Variants in ADGRL3 observed in about 807,000 individuals in gnomAD.
The protein encoded by ADGRL3 is adhesion G protein-coupled receptor L3.
In ADGRL3, 62 loss-of-function variants were observed where a neutral mutation model predicts 153.5. That is an observed-to-expected ratio of 0.40 (90% CI 0.33 to 0.50). ADGRL3 has a LOEUF of 0.50. Among genes scored for constraint, ADGRL3 ranks in the 20% least tolerant of loss-of-function variants. The probability of loss-of-function intolerance (pLI) is 0.47; values close to 1 mark genes in which losing one functional copy is unlikely to be tolerated. For missense variants in ADGRL3, 1,641 were observed against 1,859.4 expected (o/e 0.88, Z 2.16); for synonymous variants, 710 against 672.5 (o/e 1.06, Z -0.86).
chr4:61,519,078 A>G (rs2098514906), intron 4 of ADGRL3, among the ~76,000 whole-genome samples: 1 of 152,174 alleles, frequency 6.6e-6, no homozygotes, highest in African/African-American at 2.4e-5. Context: ...CAGAAATAAT[A>G]TTTAATTTAT....
chr4:61,953,879 A>T (rs1470482071), intron 17 of ADGRL3, among the ~76,000 whole-genome samples: 1 of 152,184 alleles, frequency 6.6e-6, no homozygotes, highest in Non-Finnish European at 1.5e-5. Context: ...CCTTGGGTAC[A>T]CTACTCCTTA....
intron 5 of ADGRL3, among the ~76,000 whole-genome samples, chr4:61,645,677 C>T (rs2093943168): frequency 6.6e-6 from 1 of 152,090 alleles, no homozygotes; most frequent in Non-Finnish European, 1.5e-5. Context: ...ATGGGCTTCC[C>T]TTTGAGGGTA....
chr4:61,444,161 A>C (rs922847883), intron 2 of ADGRL3, among the ~76,000 whole-genome samples: 1 of 152,304 alleles, frequency 6.6e-6, no homozygotes, highest in Non-Finnish European at 1.5e-5. Flanking sequence ...CCATTTATGA[A>C]GGCATGTTTG....
chr4:61,752,470 C>A (rs192567264), intron 8 of ADGRL3, among the ~76,000 whole-genome samples: 54 of 151,416 alleles, frequency 3.6e-4, no homozygotes, highest in African/African-American at 1.3e-3. Context: ...GAAATGTTGG[C>A]AAGTTCTGTT....
chr4:61,987,537 A>G (rs890139448), intron 19 of ADGRL3, among the ~76,000 whole-genome samples: 3 of 151,820 alleles, frequency 2.0e-5, no homozygotes, highest in African/African-American at 7.3e-5. Flanking sequence ...TCTTTTTTTC[A>G]CACATCTCTG....
At chr4:61,808,957 G>A (rs141216177) in intron 8 of ADGRL3, among the ~76,000 whole-genome samples, 1,535 of 151,944 alleles carry the variant, frequency 0.01, 36 homozygotes, top group African/African-American at 0.035. Flanking sequence ...CATCCAAAAC[G>A]TTATAAAAGC....
At chr4:62,055,877 A>G (rs11131355) in intron 25 of ADGRL3, among the ~76,000 whole-genome samples, 143,272 of 151,524 alleles carry the variant, frequency 0.95, 67,963 homozygotes, top group Non-Finnish European at 0.98. Context: ...CTGTAATTCT[A>G]GAAGCCTCTT....
At chr4:61,456,936 C>A (rs1038532526) in intron 2 of ADGRL3, among the ~76,000 whole-genome samples, 3 of 151,844 alleles carry the variant, frequency 2.0e-5, no homozygotes, top group Admixed American at 2.0e-4. Flanking sequence ...CAATAAATAT[C>A]TTTTTATACA....
intron 4 of ADGRL3, among the ~76,000 whole-genome samples, chr4:61,527,398 A>C (rs1367542263): frequency 5.9e-5 from 9 of 152,152 alleles, no homozygotes; most frequent in Admixed American, 5.9e-4. Context: ...ATCCTTAAAG[A>C]AACAGCTATA....
intron 1 of ADGRL3, among the ~76,000 whole-genome samples, chr4:61,217,580 A>G (rs1743390211): frequency 6.6e-6 from 1 of 152,234 alleles, no homozygotes; most frequent in Admixed American, 6.5e-5. Flanking sequence ...TAGCTTTAAT[A>G]TTAAATTTCA....
chr4:61,885,433 G>A (rs1351878692), intron 9 of ADGRL3, among the ~76,000 whole-genome samples: 1 of 152,128 alleles, frequency 6.6e-6, no homozygotes, highest in Admixed American at 6.6e-5. Flanking sequence ...GAGAATTACT[G>A]AATCTCTTCG....
intron 17 of ADGRL3, among the ~76,000 whole-genome samples, chr4:61,976,852 T>A (rs1472009968): frequency 6.6e-6 from 1 of 152,192 alleles, no homozygotes; most frequent in Non-Finnish European, 1.5e-5. Flanking sequence ...ATCAGCAGCA[T>A]GAGAATGGAC....
intron 21 of ADGRL3, among the ~76,000 whole-genome samples, chr4:62,019,537 T>C (rs1041324520): frequency 4.6e-5 from 7 of 152,132 alleles, no homozygotes; most frequent in African/African-American, 1.7e-4. Context: ...AAATGTTCTA[T>C]AATATTTCTT....
intron 25 of ADGRL3, among the ~76,000 whole-genome samples, chr4:62,048,611 C>T (rs1014766250): frequency 1.3e-5 from 2 of 151,936 alleles, no homozygotes; most frequent in African/African-American, 4.8e-5. Context: ...GTTTGGAGTG[C>T]AATAGCATGA....
intron 21 of ADGRL3, among the ~76,000 whole-genome samples, chr4:62,012,386 A>T (rs1433335658): frequency 6.6e-6 from 1 of 152,190 alleles, no homozygotes; most frequent in Non-Finnish European, 1.5e-5. Context: ...TAGTTCATTG[A>T]CGTTTTACTA....
rs2098334147 is a variant in ADGRL3 at position 61,860,910 on chromosome 4, A to T, written c.1481-31746A>T. Among the ~76,000 whole-genome samples, 3 of 152,212 alleles carry T rather than the reference A, an allele frequency of 2.0e-5. No individual in the cohort carries two copies. In the South Asian group the frequency reaches 6.2e-4, roughly 32 times the overall value. ...TAGAAAGTGATAGAGCCAGGATAGG[A>T]ACCATGTTCAGTCTGATCGTTAAGT... On this transcript the variant is annotated intron_variant, in intron 9 of 26. Coordinates refer to ENST00000683033, the MANE Select transcript of ADGRL3 (RefSeq NM_001387552.1).
chr4:62,041,710 AT>A (rs1296713050), intron 24 of ADGRL3, among the ~76,000 whole-genome samples: 1 of 151,990 alleles, frequency 6.6e-6, no homozygotes, highest in Non-Finnish European at 1.5e-5. Context: ...TAAAAATGGT[AT>A]TTTTTGTGTG....
At chr4:61,912,535 A>G (rs2149846504) in intron 12 of ADGRL3, among the ~76,000 whole-genome samples, 184 bp from the exon 13 acceptor site, 1 of 152,276 alleles carries the variant, frequency 6.6e-6, no homozygotes, top group Non-Finnish European at 1.5e-5. Context: ...GATGTTGGCT[A>G]CTATTTTTTA....
intron 1 of ADGRL3, among the ~76,000 whole-genome samples, chr4:61,331,416 C>A (rs886884318): frequency 3.3e-5 from 5 of 152,032 alleles, no homozygotes; most frequent in Non-Finnish European, 5.9e-5. Flanking sequence ...AAAATTATGA[C>A]CAATTTTGGT....
Sources: allele counts gnomAD v4.1 joint callset (sites outside exome capture counted in the v4.1 genomes callset), GRCh38; gene constraint gnomAD v4.1.1; transcripts MANE v1.5; gene names NCBI Gene and HGNC (gene_info 2026-07-23, HGNC 2026-07-21).